Variants in DNAI3 observed in about 807,000 individuals in gnomAD.
DNAI3 encodes the protein WD repeat domain 63.
DNAI3 carries 83 observed loss-of-function variants against 115.5 expected under a neutral mutation model. The observed-to-expected ratio is 0.72, with a 90% CI of 0.60 to 0.86. The LOEUF (loss-of-function observed/expected upper bound fraction) is 0.86, where lower values mean the gene tolerates loss of function less well. Among genes scored for constraint, DNAI3 ranks in the 40% least tolerant of loss-of-function variants. The probability of loss-of-function intolerance (pLI) is 0.00; values close to 1 mark genes in which losing one functional copy is unlikely to be tolerated. For synonymous variants in DNAI3, 320 were observed against 347.0 expected, an observed-to-expected ratio of 0.92 and a Z score of 0.86; for missense variants, 1,004 against 1,075.8, an observed-to-expected ratio of 0.93 and a Z score of 0.93.
chr1:85,117,669 A>T, intron 16 of DNAI3, 60 bp from the exon 17 acceptor site: 1 of 1,592,210 alleles, frequency 6.3e-7, no homozygotes, highest in Non-Finnish European at 8.6e-7. Context: ...TAAACTGTCT[A>T]TATTTTAAAA....
chr1:85,093,959 C>G (rs1655055644), intron 9 of DNAI3: 3 of 523,056 alleles, frequency 5.7e-6, no homozygotes, highest in Non-Finnish European at 1.1e-5. Context: ...CTGTTGCTCT[C>G]CCAAGGCTAA....
intron 17 of DNAI3, among the ~76,000 whole-genome samples, chr1:85,118,139 TG>T (rs2100608080): frequency 6.6e-6 from 1 of 152,346 alleles, no homozygotes; most frequent in South Asian, 2.1e-4. Flanking sequence ...CTTTATCATT[TG>T]GAAGAAACCA....
At chr1:85,092,693 C>A (rs921549239) in intron 8 of DNAI3, among the ~76,000 whole-genome samples, 1 of 151,860 alleles carries the variant, frequency 6.6e-6, no homozygotes, top group East Asian at 1.9e-4. Flanking sequence ...GTATTTTTAG[C>A]AGGATAATTT....
intron 16 of DNAI3, among the ~76,000 whole-genome samples, chr1:85,111,107 C>T (rs1655648091): frequency 6.6e-6 from 1 of 152,114 alleles, no homozygotes; most frequent in Non-Finnish European, 1.5e-5. Context: ...AAAGGATTTC[C>T]ATTTATGAAT....
chr1:85,125,535 A>AT (rs5775824), intron 19 of DNAI3, among the ~76,000 whole-genome samples: 97,726 of 147,410 alleles, frequency 0.66, 33,414 homozygotes, highest in South Asian at 0.85. Context: ...TGTATGTTTG[A>AT]TTTTTTTTTT....
intron 20 of DNAI3, among the ~76,000 whole-genome samples, chr1:85,127,101 C>T (rs1656170958): frequency 6.6e-6 from 1 of 151,988 alleles, no homozygotes; most frequent in Non-Finnish European, 1.5e-5. Context: ...ATTTTTTTTC[C>T]CAGATAGAAT....
Position 85,081,019 on chromosome 1 carries a change from G to A in DNAI3, c.104-215G>A, listed in dbSNP as rs143021764. Among the ~76,000 whole-genome samples the A allele has an allele frequency of 1.2e-4, 18 of 152,100 alleles. No individual in the cohort carries two copies. The East Asian group carries it at 3.3e-3, about 28-fold the overall frequency. The stretch of plus-strand genomic sequence containing the variant: ...TAATAGAGGTTTTTCTTCTTGAGAG[G>A]TAGTATTATGGGCCATTGTTATTTT... On this transcript the variant is annotated intron_variant, in intron 3 of 22. Coordinates refer to ENST00000294664, the MANE Select transcript of DNAI3 (RefSeq NM_145172.5).
chr1:85,120,924 G>A, intron 17 of DNAI3, among the ~76,000 whole-genome samples: 1 of 152,132 alleles, frequency 6.6e-6, no homozygotes, highest in Non-Finnish European at 1.5e-5. Flanking sequence ...TAAATCAAAT[G>A]TGCTCTTATC....
At chr1:85,103,803 C>T (rs1655401095) in intron 13 of DNAI3, among the ~76,000 whole-genome samples, 3 of 151,570 alleles carry the variant, frequency 2.0e-5, no homozygotes, top group Admixed American at 2.0e-4. Context: ...AGGAGAATCA[C>T]TTGAACCTGG....
Position 85,110,073 on chromosome 1 carries a change from G to T in DNAI3, c.1724G>T (p.Ser575Ile). The change falls in exon 16 of 23, where the codon AGT (serine) becomes ATT (isoleucine). Residue 575 changes from serine (S) to isoleucine (I), a missense_variant. By Grantham distance (142) the Ser-to-Ile change is moderately radical. Transcript: ENST00000294664. ...TKVRLSKGET[S>I]LDHCPTKISL... The stretch of plus-strand genomic sequence containing the variant: ...GTAAGGCTGTCCAAGGGTGAAACAA[G>T]TTTAGACCACTGTCCAACCAAGATA... The T allele has an allele frequency of 6.3e-7, 1 of 1,594,972 alleles. No homozygotes were observed. Among genetic ancestry groups the T allele is most frequent in the Non-Finnish European group, 8.6e-7 (1 of 1,168,752 alleles).
rs550331106 is a variant in DNAI3 at position 85,082,279 on chromosome 1, A to G, written c.286-21A>G. ...AATGACCATTGAACATTAACTTCCT[A>G]TCTCAATTATATTCTTGTAGGAATA... On this transcript the variant is annotated intron_variant, in intron 4 of 22. Coordinates refer to ENST00000294664, the MANE Select transcript of DNAI3 (RefSeq NM_145172.5). The G allele has an allele frequency of 8.9e-6, 14 of 1,578,586 alleles. No homozygotes were observed. The South Asian group carries it at 1.1e-4, about 13-fold the overall frequency.
At chr1:85,128,636 C>A in intron 20 of DNAI3, 72 bp from the exon 21 acceptor site, 2 of 1,295,558 alleles carry the variant, frequency 1.5e-6, no homozygotes, top group Admixed American at 2.1e-5. Flanking sequence ...CAAAAACATA[C>A]TTCATGTTTA....
chr1:85,101,601 G>T (rs537485368), intron 13 of DNAI3, among the ~76,000 whole-genome samples: 1 of 151,482 alleles, frequency 6.6e-6, no homozygotes, highest in Non-Finnish European at 1.5e-5. Flanking sequence ...GGTGGCGGGC[G>T]CCTGTAGTCC....
intron 9 of DNAI3, 115 bp downstream of exon 9, chr1:85,093,763 G>A: frequency 1.6e-6 from 2 of 1,286,992 alleles, no homozygotes; most frequent in Non-Finnish European, 2.2e-6. Context: ...CATTTGCTCT[G>A]TACTCACTAG....
intron 22 of DNAI3, 88 bp from the exon 23 acceptor site, chr1:85,132,767 A>C (rs1656377352): frequency 6.7e-7 from 1 of 1,502,478 alleles, no homozygotes. Flanking sequence ...CAGCCAGGTC[A>C]ACTATTCACA....
intron 17 of DNAI3, among the ~76,000 whole-genome samples, chr1:85,120,119 G>T (rs565770131): frequency 1.2e-3 from 178 of 152,324 alleles, no homozygotes; most frequent in African/African-American, 3.4e-3. Flanking sequence ...GCCAGGCATT[G>T]CTCTTGGCCC....
rs752196276 is a variant in DNAI3, at chr1:85,084,644, G to A, written c.489G>A (p.Leu163=). 1.3e-6 allele frequency: 2 copies of A among 1,563,124 alleles called. No individual in the cohort carries two copies. Among genetic ancestry groups the A allele is most frequent in the East Asian group, 4.9e-5 (2 of 41,228 alleles). The change falls in exon 6 of 23, where the codon TTG becomes TTA. Residue 163 remains leucine, a synonymous_variant. Transcript: ENST00000294664. ...CTGTCTCTAAACCATGGGTTTCTTT[G>A]GGCAGTGAAAAAGAAATTGAGGAAG... ...KPPVSKPWVS[L]GSEKEIEEES...
rs745309719 is a variant in DNAI3, at chr1:85,108,188, TG to T, written c.1698+15del. 1.3e-6 allele frequency: 2 copies of T among 1,578,456 alleles called. No homozygotes were observed. Among genetic ancestry groups the T allele is most frequent in the Admixed American group, 3.9e-5 (2 of 51,714 alleles). Reference sequence around the variant, plus strand: ...AAACCTCTCACTAAGGTAAGTAATGTGGGGTTTTTAGTCCATCCTGCTTGCA... The same window carrying T: ...AAACCTCTCACTAAGGTAAGTAATGTGGGTTTTTAGTCCATCCTGCTTGCA... On this transcript the variant is annotated intron_variant, in intron 15 of 22. Coordinates refer to ENST00000294664, the MANE Select transcript of DNAI3 (RefSeq NM_145172.5).
rs149091067 is a variant in DNAI3 at position 85,090,139 on chromosome 1, C to G, written c.764C>G (p.Thr255Arg). 6.4e-6 allele frequency: 10 copies of G among 1,573,612 alleles called. No individual in the cohort carries two copies. Among genetic ancestry groups the G allele is most frequent in the Non-Finnish European group, 8.6e-6 (10 of 1,163,070 alleles). ...AGGACATATCCTAAAAATGCTACTA[C>G]GCAATATTATCCAAGAGAATTCTCA... ...TKWTYPKNAT[T>R]QYYPREFSEE... Residue 255 changes from threonine (T) to arginine (R), a missense_variant, in exon 8 of 23, where the codon ACG becomes AGG. Transcript: ENST00000294664.
Sources: allele counts gnomAD v4.1 joint callset (sites outside exome capture counted in the v4.1 genomes callset), GRCh38; gene constraint gnomAD v4.1.1; transcripts MANE v1.5; gene names NCBI Gene and HGNC (gene_info 2026-07-23, HGNC 2026-07-21).